The following IHO1 variants were observed in gnomAD, a reference collection of about 807,000 sequenced individuals.
The protein encoded by IHO1 is interactor of HORMAD1 1.
IHO1 carries 13 observed loss-of-function variants against 31.0 expected under a neutral mutation model. The ratio of observed to expected loss-of-function variants is 0.42; its 90% CI spans 0.27 to 0.67. The LOEUF (loss-of-function observed/expected upper bound fraction) is 0.67. Among genes scored for constraint, IHO1 ranks in the 30% least tolerant of loss-of-function variants. The pLI, the probability that IHO1 is intolerant of heterozygous loss-of-function variation, is 0.24. For synonymous variants in IHO1, 221 were observed against 248.4 expected (o/e 0.89, Z 1.04); for missense variants, 599 against 687.5 (o/e 0.87, Z 1.44).
chr3:49,194,268 CAAA>C (rs200253878), upstream of IHO1, among the ~76,000 whole-genome samples: 3 of 117,634 alleles, frequency 2.6e-5, no homozygotes, highest in Admixed American at 8.8e-5. Flanking sequence ...AACTCTATCT[CAAA>C]AAAAAAAAAA....
At chr3:49,230,481 T>A (rs1188255448) in intron 2 of IHO1, among the ~76,000 whole-genome samples, 1 of 152,240 alleles carries the variant, frequency 6.6e-6, no homozygotes, top group African/African-American at 2.4e-5. Flanking sequence ...CACTGGAAAG[T>A]GTTGTCACAA....
intron 4 of IHO1, among the ~76,000 whole-genome samples, chr3:49,243,375 C>T (rs2046654326): frequency 6.6e-6 from 1 of 151,846 alleles, no homozygotes; most frequent in South Asian, 2.1e-4. Context: ...AAACTCCTGA[C>T]CTCAGGTGAT....
chr3:49,191,584 A>T, the IHO1 span: 1 of 780,794 alleles, frequency 1.3e-6, no homozygotes, highest in Non-Finnish European at 2.2e-6. Flanking sequence ...GGCAGCCTCC[A>T]GGGGTGACCT....
In IHO1 at chr3:49,248,566, T is replaced by TA. The variant is rs35726209; in HGVS notation, c.532+3843dup. On this transcript the variant is annotated intron_variant, in intron 6 of 7. Coordinates refer to ENST00000452691, the MANE Select transcript of IHO1 (RefSeq NM_001135197.2). Reference sequence around the variant, plus strand: ...CAATATGGTGAAAACCCATCTCTACTAAAAAAAAAATACAAAATTAGCCAG... The same window carrying TA: ...CAATATGGTGAAAACCCATCTCTACTAAAAAAAAAAATACAAAATTAGCCAG... Among the ~76,000 whole-genome samples the TA allele has an allele frequency of 3.4e-3, 512 of 149,062 alleles. 6 individuals carry two copies. The highest frequency in any genetic ancestry group is 5.1e-3 in the Non-Finnish European group (344 of 67,040).
upstream of IHO1, among the ~76,000 whole-genome samples, chr3:49,196,726 A>T (rs1170911030): frequency 6.9e-6 from 1 of 145,468 alleles, no homozygotes; most frequent in African/African-American, 2.6e-5. Context: ...GCTGGAGTGC[A>T]GTGGTGCGAT....
intron 6 of IHO1, chr3:49,252,084 G>C (rs954836723): frequency 6.5e-6 from 1 of 153,170 alleles, no homozygotes; most frequent in African/African-American, 2.4e-5. Flanking sequence ...ACCCGCCTCG[G>C]CCTCCCAAAG....
At chr3:49,220,797 G>A (rs2046345289) in intron 2 of IHO1, among the ~76,000 whole-genome samples, 1 of 152,204 alleles carries the variant, frequency 6.6e-6, no homozygotes, top group Non-Finnish European at 1.5e-5. Context: ...GAACCTGGGA[G>A]GCAGAGCTTG....
chr3:49,252,870 T>C, intron 6 of IHO1, among the ~76,000 whole-genome samples: 1 of 151,690 alleles, frequency 6.6e-6, no homozygotes, highest in East Asian at 2.0e-4. Flanking sequence ...TGGTGGACCC[T>C]GTCTCTACTA....
At chr3:49,225,468 A>G (rs576116418) in intron 2 of IHO1, among the ~76,000 whole-genome samples, 2 of 152,292 alleles carry the variant, frequency 1.3e-5, no homozygotes, top group East Asian at 3.9e-4. Flanking sequence ...GTCTCAAAAA[A>G]AAAAAAAGAA....
chr3:49,234,811 G>GT (rs1280018886), intron 2 of IHO1, among the ~76,000 whole-genome samples: 1 of 151,598 alleles, frequency 6.6e-6, no homozygotes, highest in African/African-American at 2.4e-5. Context: ...TATAATGTAG[G>GT]TTTAAAAATT....
At chr3:49,234,847 AATTCTTT>A (rs1162268031) in intron 2 of IHO1, among the ~76,000 whole-genome samples, 1 of 151,924 alleles carries the variant, frequency 6.6e-6, no homozygotes, top group East Asian at 1.9e-4. Flanking sequence ...TAATAGAGTT[AATTCTTT>A]TTTTTTTTTT....
At chr3:49,220,623 C>T (rs1369358751) in intron 2 of IHO1, among the ~76,000 whole-genome samples, 1 of 152,122 alleles carries the variant, frequency 6.6e-6, no homozygotes, top group Non-Finnish European at 1.5e-5. Context: ...AATCCCAGCA[C>T]TTTGGGAGGC....
At chr3:49,241,530 C>T in intron 4 of IHO1, 141 bp downstream of exon 4, 1 of 562,704 alleles carries the variant, frequency 1.8e-6, no homozygotes, top group Non-Finnish European at 3.1e-6. Flanking sequence ...ATAGGACTTA[C>T]ACACACATAC....
intron 2 of IHO1, among the ~76,000 whole-genome samples, chr3:49,225,668 G>A (rs1487656349): frequency 6.6e-6 from 1 of 152,112 alleles, no homozygotes; most frequent in Non-Finnish European, 1.5e-5. Context: ...GGACTTTCAG[G>A]CACAACAAGA....
chr3:49,229,406 A>G (rs2046456254), intron 2 of IHO1, among the ~76,000 whole-genome samples: 1 of 152,252 alleles, frequency 6.6e-6, no homozygotes, highest in Admixed American at 6.5e-5. Flanking sequence ...TACAAACAGG[A>G]GTCATTGATT....
upstream of IHO1, among the ~76,000 whole-genome samples, chr3:49,194,687 G>A (rs896875312): frequency 6.6e-6 from 1 of 150,852 alleles, no homozygotes; most frequent in African/African-American, 2.4e-5. Flanking sequence ...CTTCAGCCCA[G>A]GAGTTACAGA....
chr3:49,245,867 C>G (rs917979202), intron 6 of IHO1: 1 of 152,190 alleles, frequency 6.6e-6, no homozygotes, highest in African/African-American at 2.4e-5. Flanking sequence ...ATCCCACACA[C>G]AGGGCATATG....
intron 4 of IHO1, 76 bp downstream of exon 4, chr3:49,241,465 ATAAT>A (rs2046629988): frequency 3.5e-6 from 5 of 1,410,342 alleles, no homozygotes; most frequent in African/African-American, 1.4e-5. Flanking sequence ...CAGTAATTAA[ATAAT>A]TCAATTTTAG....
intron 6 of IHO1, among the ~76,000 whole-genome samples, chr3:49,253,986 G>A (rs1348240605): frequency 1.3e-5 from 2 of 151,828 alleles, no homozygotes; most frequent in East Asian, 1.9e-4. Context: ...GGCACCCGCC[G>A]CCACGCCTGG....
Sources: gnomAD v4.1 joint callset for allele counts (sites outside exome capture counted in the v4.1 genomes callset) on GRCh38, gnomAD v4.1.1 for gene constraint, MANE v1.5 for transcripts, NCBI Gene and HGNC (gene_info 2026-07-23, HGNC 2026-07-21) for gene names.